The following PLEKHG7 variants were observed in gnomAD, a reference collection of about 807,000 sequenced individuals.
The protein encoded by PLEKHG7 is pleckstrin homology domain-containing family G member 7.
PLEKHG7 carries 77 observed loss-of-function variants against 85.2 expected under a neutral mutation model. The observed-to-expected ratio is 0.90, with a 90% CI of 0.75 to 1.09. PLEKHG7 has a LOEUF of 1.09. PLEKHG7 is among the 50% of genes least tolerant of loss of function. The pLI is 0.00. For synonymous variants in PLEKHG7, 301 were observed against 302.4 expected (o/e 1.00, Z 0.05); for missense variants, 777 against 804.3 (o/e 0.97, Z 0.41).
chr12:92,771,640 T>C lies in PLEKHG7; in HGVS notation c.*1445T>C, dbSNP rs1166339344. 6.6e-6 allele frequency: 1 copy of C among 151,962 alleles called. No individual in the cohort carries two copies. The highest frequency in any genetic ancestry group is 1.5e-5 in the Non-Finnish European group (1 of 67,892). The allele number at this position is 151,962 out of a possible 1,614,324, so 9.4% of individuals were successfully genotyped here. On this transcript the variant is annotated 3_prime_UTR_variant, in exon 17 of 17. Transcript: ENST00000344636. ...CTGAAAGCAGTTATGTCCAGGAGAA[T>C]ACAATATAGATTATGCAAGAGAAGA...
chr12:92,759,930 C>T (rs1366833877), intron 13 of PLEKHG7, among the ~76,000 whole-genome samples: 3 of 152,166 alleles, frequency 2.0e-5, no homozygotes, highest in Non-Finnish European at 4.4e-5. Context: ...AAGTCTCAAC[C>T]TATATGACAA....
intron 5 of PLEKHG7, among the ~76,000 whole-genome samples, chr12:92,735,765 C>A (rs1378453319): frequency 6.6e-6 from 1 of 152,038 alleles, no homozygotes; most frequent in African/African-American, 2.4e-5. Flanking sequence ...GTACATTATA[C>A]CATTTAAAAA....
At chr12:92,761,096 C>A (rs1214355864) in intron 13 of PLEKHG7, among the ~76,000 whole-genome samples, 1 of 152,222 alleles carries the variant, frequency 6.6e-6, no homozygotes, top group African/African-American at 2.4e-5. Context: ...CCAGCCTTAT[C>A]ACTTCATTTT....
chr12:92,749,967 TTA>T (rs1394403148), intron 10 of PLEKHG7, among the ~76,000 whole-genome samples: 95 of 107,112 alleles, frequency 8.9e-4, no homozygotes, highest in Middle Eastern at 4.6e-3. Flanking sequence ...ATATTTTATT[TTA>T]TATTTTATTT....
chr12:92,704,081 T>A lies in PLEKHG7; in HGVS notation c.-162+949T>A, dbSNP rs551307943. Among the ~76,000 whole-genome samples, 17 of 152,300 alleles carry A rather than the reference T, an allele frequency of 1.1e-4. No individual in the cohort carries two copies. In the South Asian group the frequency reaches 3.3e-3, roughly 30 times the overall value. ...AAATAATAGAACGGCCCTGATTGTATGTATGTGTGAAAGTACCTATTGATT... is the reference window on the plus strand; with the variant it reads ...AAATAATAGAACGGCCCTGATTGTAAGTATGTGTGAAAGTACCTATTGATT... On this transcript the variant is annotated intron_variant, in intron 1 of 16. Transcript: ENST00000344636.
At chr12:92,758,049 C>CAAT (rs916786913) in intron 13 of PLEKHG7, among the ~76,000 whole-genome samples, 1 of 152,174 alleles carries the variant, frequency 6.6e-6, no homozygotes, top group African/African-American at 2.4e-5. Flanking sequence ...GAAAACATAA[C>CAAT]AATTTTAACT....
intron 15 of PLEKHG7, among the ~76,000 whole-genome samples, chr12:92,768,080 C>T (rs6538358): frequency 0.54 from 82,025 of 151,636 alleles, 22,947 homozygotes; most frequent in East Asian, 0.92. Flanking sequence ...TGGTGGCGGG[C>T]GCCTGTAATC....
chr12:92,712,255 C>A (rs761999054), intron 3 of PLEKHG7, among the ~76,000 whole-genome samples: 2 of 152,178 alleles, frequency 1.3e-5, no homozygotes, highest in Non-Finnish European at 2.9e-5. Flanking sequence ...AAGATTATGA[C>A]ACAAAGCTAG....
Position 92,748,118 on chromosome 12 carries a change from T to C in PLEKHG7, c.1251+2527T>C, listed in dbSNP as rs149738494. Among the ~76,000 whole-genome samples, 524 of 152,336 alleles carry C rather than the reference T, an allele frequency of 3.4e-3. 1 individual carries two copies. Among genetic ancestry groups the C allele is most frequent in the South Asian group, 8.7e-3 (42 of 4,826 alleles). ...AATACCCTGATTTCATCATTACACATTGTACACATGTATCAAAATATCATG... is the reference window on the plus strand; with the variant it reads ...AATACCCTGATTTCATCATTACACACTGTACACATGTATCAAAATATCATG... On this transcript the variant is annotated intron_variant, in intron 10 of 16. Coordinates refer to ENST00000344636, the MANE Select transcript of PLEKHG7 (RefSeq NM_001377329.1).
At chr12:92,712,902 C>A (rs567160318) in intron 3 of PLEKHG7, among the ~76,000 whole-genome samples, 3 of 152,292 alleles carry the variant, frequency 2.0e-5, no homozygotes, top group African/African-American at 7.2e-5. Flanking sequence ...CCTACTTTAA[C>A]TGGAGGACCA....
chr12:92,768,144 G>A (rs933334461), intron 15 of PLEKHG7, among the ~76,000 whole-genome samples: 5 of 151,586 alleles, frequency 3.3e-5, no homozygotes, highest in Non-Finnish European at 5.9e-5. Context: ...GGAGGCAGAG[G>A]TACAGTGAGC....
chr12:92,751,847 T>C (rs1050578037), intron 10 of PLEKHG7, among the ~76,000 whole-genome samples: 2 of 151,722 alleles, frequency 1.3e-5, no homozygotes, highest in African/African-American at 4.8e-5. Context: ...TGATATCCAG[T>C]CTCTACAAAA....
At chr12:92,767,782 A>G (rs148554293) in intron 15 of PLEKHG7, among the ~76,000 whole-genome samples, 8 of 152,194 alleles carry the variant, frequency 5.3e-5, no homozygotes, top group Non-Finnish European at 1.0e-4. Context: ...GTGACAGCAG[A>G]CAAGCATCAG....
intron 4 of PLEKHG7, among the ~76,000 whole-genome samples, chr12:92,732,018 A>T (rs1016720201): frequency 1.3e-5 from 2 of 152,232 alleles, no homozygotes; most frequent in Non-Finnish European, 2.9e-5. Flanking sequence ...TAAGGCAGCA[A>T]CAGAACACCA....
intron 3 of PLEKHG7, among the ~76,000 whole-genome samples, chr12:92,728,590 C>T (rs1279932804): frequency 6.6e-6 from 1 of 151,718 alleles, no homozygotes; most frequent in Non-Finnish European, 1.5e-5. Flanking sequence ...ACACATACCA[C>T]ATTCCATGGT....
At chr12:92,768,876 C>A in intron 15 of PLEKHG7, 107 bp from the exon 16 acceptor site, 2 of 754,698 alleles carry the variant, frequency 2.7e-6, no homozygotes, top group Non-Finnish European at 4.1e-6. Flanking sequence ...CTCGTTAAAA[C>A]AGAAACAAGC....
At chr12:92,753,960 G>T in intron 10 of PLEKHG7, 130 bp from the exon 11 acceptor site, 1 of 843,156 alleles carries the variant, frequency 1.2e-6, no homozygotes. Context: ...CTTATAAATT[G>T]TCCCAGCAAA....
At chr12:92,713,534 T>C (rs1592672954) in intron 3 of PLEKHG7, among the ~76,000 whole-genome samples, 1 of 152,206 alleles carries the variant, frequency 6.6e-6, no homozygotes, top group Non-Finnish European at 1.5e-5. Flanking sequence ...ATTCCCATTG[T>C]ATTTAAATTT....
chr12:92,746,058 G>A (rs1162711104), intron 10 of PLEKHG7, among the ~76,000 whole-genome samples: 1 of 152,198 alleles, frequency 6.6e-6, no homozygotes, highest in Non-Finnish European at 1.5e-5. Flanking sequence ...CTCTGGAGCT[G>A]TGCCAATATG....
Sources: allele counts gnomAD v4.1 joint callset (sites outside exome capture counted in the v4.1 genomes callset), GRCh38; gene constraint gnomAD v4.1.1; transcripts MANE v1.5; gene names NCBI Gene and HGNC (gene_info 2026-07-23, HGNC 2026-07-21).